SLC20A2: variants seen among roughly 807,000 people sequenced by gnomAD.
SLC20A2 encodes the protein sodium-dependent phosphate transporter 2.
A neutral mutation model predicts 61.0 loss-of-function variants in SLC20A2; 30 were observed. The observed-to-expected ratio is 0.49, with a 90% CI of 0.37 to 0.67. SLC20A2 has a LOEUF of 0.67. Ranked by LOEUF, SLC20A2 falls within the 30% of genes least tolerant of loss-of-function variation. The pLI, the probability that SLC20A2 is intolerant of heterozygous loss-of-function variation, is 0.00. For synonymous variants in SLC20A2, 351 were observed against 353.3 expected (o/e 0.99, Z 0.07); for missense variants, 626 against 866.4 (o/e 0.72, Z 3.48).
At chr8:42,452,591 TGAA>T (rs1411651927) in intron 5 of SLC20A2, among the ~76,000 whole-genome samples, 13 of 108,372 alleles carry the variant, frequency 1.2e-4, no homozygotes, top group Admixed American at 3.1e-4. Flanking sequence ...GAGGAAGAGA[TGAA>T]GAAGAGGAGG....
In SLC20A2 at chr8:42,453,153, G is replaced by T. The variant is rs1188427739; in HGVS notation, c.613+6743C>A. 2.0e-5 allele frequency among the ~76,000 whole-genome samples: 3 copies of T among 152,146 alleles called. No individual in the cohort carries two copies. The South Asian group carries it at 6.2e-4, about 32-fold the overall frequency. On this transcript the variant is annotated intron_variant, in intron 5 of 10. Transcript: ENST00000520262. ...CTTAACTGGGTGACCTGCTTCGACTGTTCAAAGGGGCATGCCATGAACTTT... is the reference window on the plus strand; with the variant it reads ...CTTAACTGGGTGACCTGCTTCGACTTTTCAAAGGGGCATGCCATGAACTTT...
At chr8:42,464,581 A>G (rs1361143546) in intron 3 of SLC20A2, among the ~76,000 whole-genome samples, 2 of 152,166 alleles carry the variant, frequency 1.3e-5, no homozygotes, top group East Asian at 3.9e-4. Flanking sequence ...CTGCCTGGGA[A>G]GAACAGAGGG....
intron 1 of SLC20A2, among the ~76,000 whole-genome samples, chr8:42,474,524 T>C (rs1807902621): frequency 6.6e-6 from 1 of 152,134 alleles, no homozygotes; most frequent in Non-Finnish European, 1.5e-5. Context: ...TGAAAGAGTA[T>C]TTTATTAATA....
At chr8:42,535,727 G>A (rs886622107) in intron 1 of SLC20A2, among the ~76,000 whole-genome samples, 1 of 152,120 alleles carries the variant, frequency 6.6e-6, no homozygotes, top group Non-Finnish European at 1.5e-5. Context: ...TACAGGGCTG[G>A]TTCTTCTTAC....
rs1379261263 is a variant in SLC20A2 at position 42,437,208 on chromosome 8, C to T, written c.1304G>A (p.Ser435Asn). 1.9e-6 allele frequency: 3 copies of T among 1,613,730 alleles called. No homozygotes were observed. Among genetic ancestry groups the T allele is most frequent in the Non-Finnish European group, 2.5e-6 (3 of 1,180,032 alleles). ...KKRLRYDSYS[S>N]YCNAVAEAEI... ...CGCCTCTGCCACCGCGTTACAGTAG[C>T]TCGAGTAGCTGTCGTAGCGCAGCCT... Residue 435 changes from serine to asparagine, a missense_variant, in exon 8 of 11, where the codon AGC (serine) becomes AAC (asparagine). Physicochemically the swap from Ser to Asn is conservative, Grantham distance 46. This residue lies in a region of SLC20A2 where 361 missense variants were observed against 422.3 expected (regional missense o/e 0.85). Transcript: ENST00000520262. This position sits in a 1 kb window ranked among gnomAD's most constrained non-coding sequence, Gnocchi z 6.4.
At chr8:42,486,055 A>G (rs1808976851) in intron 1 of SLC20A2, among the ~76,000 whole-genome samples, 2 of 152,096 alleles carry the variant, frequency 1.3e-5, no homozygotes. Flanking sequence ...TTCATATTTT[A>G]AATTAGTTAA....
intron 10 of SLC20A2, among the ~76,000 whole-genome samples, chr8:42,422,172 C>T (rs1803091083): frequency 6.6e-6 from 1 of 152,216 alleles, no homozygotes. Flanking sequence ...CCTGCCTCAG[C>T]CTCCCTAGTA....
chr8:42,475,289 G>A (rs953840286), intron 1 of SLC20A2, among the ~76,000 whole-genome samples: 6 of 151,904 alleles, frequency 3.9e-5, no homozygotes, highest in African/African-American at 9.7e-5. Context: ...TTGTAGAGAC[G>A]GGGTCGCCCT....
chr8:42,536,151 C>A (rs955788537), intron 1 of SLC20A2, among the ~76,000 whole-genome samples: 1 of 152,194 alleles, frequency 6.6e-6, no homozygotes. Context: ...GATACTTAAA[C>A]AGAACACAAG....
intron 2 of SLC20A2, among the ~76,000 whole-genome samples, chr8:42,467,920 T>C (rs1807310045): frequency 6.6e-6 from 1 of 151,742 alleles, no homozygotes. Flanking sequence ...TGGTTTATAT[T>C]CTTTTTTTTT....
chr8:42,421,297 C>G (rs189806984), intron 10 of SLC20A2, among the ~76,000 whole-genome samples: 3,024 of 152,268 alleles, frequency 0.02, 77 homozygotes, highest in South Asian at 0.11. Context: ...TCCTGAGTAG[C>G]TGGGACTATA....
intron 1 of SLC20A2, among the ~76,000 whole-genome samples, chr8:42,492,181 C>T (rs369829104): frequency 2.6e-5 from 4 of 152,112 alleles, no homozygotes; most frequent in African/African-American, 9.7e-5. Context: ...ATGGTGAAAC[C>T]CTGTCTCTTC....
intron 3 of SLC20A2, among the ~76,000 whole-genome samples, chr8:42,465,270 T>C (rs2131188832): frequency 6.6e-6 from 1 of 151,862 alleles, no homozygotes; most frequent in African/African-American, 2.4e-5. Context: ...TTGGCCAGGC[T>C]GGTCTTGAAC....
chr8:42,540,302 AC>A (rs560115949), intron 1 of SLC20A2, among the ~76,000 whole-genome samples: 18 of 151,936 alleles, frequency 1.2e-4, no homozygotes, highest in Admixed American at 1.0e-3. Flanking sequence ...AAAAAACAAA[AC>A]AATAACAATA....
chr8:42,430,328 G>A (rs1413826918), intron 8 of SLC20A2, 79 bp from the exon 9 acceptor site: 2 of 1,212,160 alleles, frequency 1.6e-6, no homozygotes, highest in Non-Finnish European at 2.3e-6. Flanking sequence ...TTGTTTTATT[G>A]TGCTTCACTT....
chr8:42,473,444 C>T (rs1450348841), intron 1 of SLC20A2, among the ~76,000 whole-genome samples: 1 of 152,102 alleles, frequency 6.6e-6, no homozygotes, highest in Non-Finnish European at 1.5e-5. Context: ...CACACTCTCA[C>T]CTCAGGGCTT....
Position 42,521,648 on chromosome 8 carries a change from C to T in SLC20A2, c.-265+20173G>A, listed in dbSNP as rs1206794653. 3.3e-5 allele frequency among the ~76,000 whole-genome samples: 4 copies of T among 120,088 alleles called. 1 individual carries two copies. Among genetic ancestry groups the T allele is most frequent in the African/African-American group, 1.0e-4 (4 of 39,202 alleles). 78.8% of individuals were successfully genotyped at this position (120,088 alleles called of 152,430 possible). On this transcript the variant is annotated intron_variant, in intron 1 of 10. Transcript: ENST00000342228. ...GGGACTACAGATGCATGCCATCACA[C>T]CTGGCTGATTTTTGTACTTTTTGTA... is the stretch of plus-strand genomic sequence containing the variant.
chr8:42,453,102 T>C (rs555551707), intron 5 of SLC20A2, among the ~76,000 whole-genome samples: 5 of 152,214 alleles, frequency 3.3e-5, no homozygotes, highest in East Asian at 3.9e-4. Flanking sequence ...GGACCACACA[T>C]TGCCTTAGAA....
intron 1 of SLC20A2, among the ~76,000 whole-genome samples, chr8:42,478,206 CCTTTT>C (rs1358484964): frequency 1.4e-5 from 2 of 140,940 alleles, no homozygotes; most frequent in Non-Finnish European, 3.1e-5. Context: ...CTTTTCTTTT[CCTTTT>C]CTTTTTTTTT....
Sources: gnomAD v4.1 joint callset for allele counts (sites outside exome capture counted in the v4.1 genomes callset) on GRCh38, gnomAD v4.1.1 for gene constraint, gnomAD v4.1.1 regional missense constraint, Gnocchi (gnomAD v3.1) non-coding constraint, MANE v1.5 for transcripts, NCBI Gene and HGNC (gene_info 2026-07-23, HGNC 2026-07-21) for gene names.